Variants in PIP5K1B observed in about 807,000 individuals in gnomAD.
PIP5K1B encodes the protein phosphatidylinositol 4-phosphate 5-kinase type-1 beta.
PIP5K1B carries 42 observed loss-of-function variants against 67.0 expected under a neutral mutation model. The ratio of observed to expected loss-of-function variants is 0.63; its 90% CI spans 0.49 to 0.81. The LOEUF (loss-of-function observed/expected upper bound fraction) is 0.81. Ranked by LOEUF, PIP5K1B falls within the 30% of genes least tolerant of loss-of-function variation. The pLI is 0.00. For missense variants in PIP5K1B, 459 were observed against 646.3 expected (o/e 0.71, Z 3.14); for synonymous variants, 214 against 231.4 (o/e 0.92, Z 0.68).
Position 68,915,578 on chromosome 9 carries a change from T to C in PIP5K1B, c.772-1970T>C, listed in dbSNP as rs145475030. ...AGCCAAAGGGTCTGGTACTCAAGCA[T>C]TGGATCAGTGGTAAGAAGGATTTCC... On this transcript the variant is annotated intron_variant, in intron 8 of 15. Transcript: ENST00000265382. 5.3e-3 allele frequency among the ~76,000 whole-genome samples: 808 copies of C among 152,244 alleles called. 6 individuals carry two copies. The highest frequency in any genetic ancestry group is 0.018 in the African/African-American group (745 of 41,542).
rs1303070019 is a variant in PIP5K1B at position 68,998,607 on chromosome 9, A to T, written c.1620+7350A>T. ...TCTTGGGAATAGTGTTTGAGGAAGAACAGCCTGTAATGGTGTGAACTTGGG... is the reference window on the plus strand; with the variant it reads ...TCTTGGGAATAGTGTTTGAGGAAGATCAGCCTGTAATGGTGTGAACTTGGG... On this transcript the variant is annotated intron_variant, in intron 15 of 15. Coordinates refer to ENST00000265382, the MANE Select transcript of PIP5K1B (RefSeq NM_003558.4). Among the ~76,000 whole-genome samples, 5 of 152,198 alleles carry T rather than the reference A, an allele frequency of 3.3e-5. No homozygotes were observed. In the East Asian group the frequency reaches 9.6e-4, roughly 29 times the overall value.
chr9:68,780,310 C>T (rs777582132), intron 2 of PIP5K1B: 2 of 1,601,060 alleles, frequency 1.2e-6, no homozygotes, highest in African/African-American at 1.3e-5. Flanking sequence ...GACACTTCGC[C>T]GGTGTTCCAG....
chr9:68,930,665 A>C (rs765411093), intron 12 of PIP5K1B, among the ~76,000 whole-genome samples: 1 of 151,512 alleles, frequency 6.6e-6, no homozygotes, highest in Non-Finnish European at 1.5e-5. Context: ...GTACCCATTC[A>C]ATCCAATTTC....
At chr9:68,760,157 G>A (rs1311747258) in intron 2 of PIP5K1B, among the ~76,000 whole-genome samples, 1 of 152,064 alleles carries the variant, frequency 6.6e-6, no homozygotes, top group African/African-American at 2.4e-5. Context: ...GCTCAGCTCT[G>A]TGGCACAGTT....
At chr9:68,982,735 C>G (rs1401200918) in intron 14 of PIP5K1B, among the ~76,000 whole-genome samples, 3 of 149,846 alleles carry the variant, frequency 2.0e-5, no homozygotes, top group Non-Finnish European at 4.4e-5. Flanking sequence ...GCACTCAAGC[C>G]TGGGTGACAG....
chr9:68,736,847 A>AAGT (rs1828763666), intron 1 of PIP5K1B, among the ~76,000 whole-genome samples: 1 of 152,192 alleles, frequency 6.6e-6, no homozygotes, highest in African/African-American at 2.4e-5. Context: ...TTACCATGTA[A>AAGT]AGTAGTATAT....
At chr9:68,839,736 C>G (rs1821816806) in intron 4 of PIP5K1B, among the ~76,000 whole-genome samples, 1 of 152,104 alleles carries the variant, frequency 6.6e-6, no homozygotes, top group South Asian at 2.1e-4. Flanking sequence ...TAGGGGAGCC[C>G]TGATGTAACC....
intron 14 of PIP5K1B, among the ~76,000 whole-genome samples, chr9:68,962,753 G>A (rs904782776): frequency 3.9e-5 from 6 of 152,172 alleles, no homozygotes; most frequent in Admixed American, 6.5e-5. Flanking sequence ...GAGCTGCACC[G>A]ATATTCATTT....
chr9:68,820,957 C>G (rs1026599370), intron 3 of PIP5K1B, among the ~76,000 whole-genome samples: 11 of 152,132 alleles, frequency 7.2e-5, no homozygotes, highest in Admixed American at 4.6e-4. Flanking sequence ...GTAAACTTCT[C>G]TATATCATAA....
intron 12 of PIP5K1B, among the ~76,000 whole-genome samples, chr9:68,928,020 T>C (rs1023778995): frequency 1.3e-5 from 2 of 152,146 alleles, no homozygotes; most frequent in Non-Finnish European, 2.9e-5. Context: ...TTCTTTCCCC[T>C]TATTGAATTA....
At chr9:68,802,428 GA>G in intron 2 of PIP5K1B, among the ~76,000 whole-genome samples, 1 of 150,090 alleles carries the variant, frequency 6.7e-6, no homozygotes, top group Non-Finnish European at 1.5e-5. Context: ...GTGATGGATA[GA>G]AAATGGATGG....
chr9:68,775,135 A>G (rs7048631), intron 2 of PIP5K1B, among the ~76,000 whole-genome samples: 29,697 of 152,112 alleles, frequency 0.2, 3,026 homozygotes, highest in African/African-American at 0.26. Context: ...ATTGCCATCA[A>G]TTGGAATGCT....
At chr9:68,710,574 A>G (rs937562602) in intron 1 of PIP5K1B, among the ~76,000 whole-genome samples, 11 of 152,182 alleles carry the variant, frequency 7.2e-5, no homozygotes, top group Non-Finnish European at 1.5e-4. Context: ...TCGCTTCATC[A>G]GAGGTATATA....
intron 7 of PIP5K1B, among the ~76,000 whole-genome samples, chr9:68,893,285 T>C (rs948622327): frequency 6.6e-6 from 1 of 151,698 alleles, no homozygotes; most frequent in African/African-American, 2.4e-5. Flanking sequence ...TAATTTCTTA[T>C]CTACTTTAAA....
intron 14 of PIP5K1B, among the ~76,000 whole-genome samples, chr9:68,946,360 CG>C (rs1564258361): frequency 6.6e-6 from 1 of 152,066 alleles, no homozygotes; most frequent in African/African-American, 2.4e-5. Flanking sequence ...ACATTGAAGA[CG>C]ACCTCTCCAG....
intron 14 of PIP5K1B, among the ~76,000 whole-genome samples, chr9:68,941,874 G>T (rs762155792): frequency 9.9e-5 from 15 of 152,188 alleles, no homozygotes; most frequent in Non-Finnish European, 1.6e-4. Flanking sequence ...TTTTGTTGCT[G>T]TTTCCTCCTC....
chr9:68,852,529 G>A (rs1012574921), intron 4 of PIP5K1B, among the ~76,000 whole-genome samples: 2 of 152,114 alleles, frequency 1.3e-5, no homozygotes, highest in Admixed American at 6.6e-5. Context: ...TCAAACCTCC[G>A]TCCAGTCTTC....
intron 2 of PIP5K1B, among the ~76,000 whole-genome samples, chr9:68,817,562 T>C (rs1041634510): frequency 6.6e-6 from 1 of 152,084 alleles, no homozygotes; most frequent in African/African-American, 2.4e-5. Context: ...TTAAATGAGA[T>C]AGATATATAG....
chr9:68,880,230 T>A (rs1824112565), intron 6 of PIP5K1B, among the ~76,000 whole-genome samples: 1 of 152,196 alleles, frequency 6.6e-6, no homozygotes, highest in African/African-American at 2.4e-5. Context: ...ACAATTCTTT[T>A]CGCTTTTATG....
Sources: gnomAD v4.1 joint callset for allele counts (sites outside exome capture counted in the v4.1 genomes callset) on GRCh38, gnomAD v4.1.1 for gene constraint, MANE v1.5 for transcripts, NCBI Gene and HGNC (gene_info 2026-07-23, HGNC 2026-07-21) for gene names.